Variants in FRMD5 observed in about 807,000 individuals in gnomAD.
The protein encoded by FRMD5 is FERM domain containing 5.
A neutral mutation model predicts 69.0 loss-of-function variants in FRMD5; 20 were observed. The ratio of observed to expected loss-of-function variants is 0.29; its 90% CI spans 0.20 to 0.42. FRMD5 has a LOEUF of 0.42. FRMD5 is among the 10% of genes least tolerant of loss of function. FRMD5 has a pLI of 1.00. For missense variants in FRMD5, 595 were observed against 708.6 expected, an observed-to-expected ratio of 0.84 and a Z score of 1.82; for synonymous variants, 271 against 260.1, an observed-to-expected ratio of 1.04 and a Z score of -0.40.
At chr15:44,050,662 T>C (rs1184209991) in intron 1 of FRMD5, among the ~76,000 whole-genome samples, 1 of 150,798 alleles carries the variant, frequency 6.6e-6, no homozygotes, top group East Asian at 1.9e-4. Flanking sequence ...TGGCCTTTTT[T>C]TTTTTTCTTT....
At chr15:43,929,772 C>G (rs114226225) in intron 1 of FRMD5, among the ~76,000 whole-genome samples, 2,457 of 152,290 alleles carry the variant, frequency 0.016, 75 homozygotes, top group African/African-American at 0.057. Flanking sequence ...GGGATGGCAT[C>G]TTAGCCTGCA....
intron 13 of FRMD5, 130 bp from the exon 14 acceptor site, chr15:43,874,592 T>A: frequency 1.5e-6 from 1 of 667,336 alleles, no homozygotes; most frequent in Non-Finnish European, 2.6e-6. Context: ...CACTGCACTC[T>A]ATTTTGATAT....
rs73416971 is a variant in FRMD5 at position 44,118,710 on chromosome 15, C to T, written c.102+76243G>A. On this transcript the variant is annotated intron_variant, in intron 1 of 13. Coordinates refer to ENST00000417257, the MANE Select transcript of FRMD5 (RefSeq NM_032892.5). ...AGCCAGTCAAAATCTCAGATTCAAC[C>T]AGATCCCCCGATGGGATTCGAAAGG... is the stretch of plus-strand genomic sequence containing the variant. 9.8e-3 allele frequency among the ~76,000 whole-genome samples: 1,497 copies of T among 152,308 alleles called. 26 individuals carry two copies. Among genetic ancestry groups the T allele is most frequent in the African/African-American group, 0.035 (1,450 of 41,550 alleles).
At chr15:44,096,399 G>A (rs1017703533) in intron 1 of FRMD5, among the ~76,000 whole-genome samples, 9 of 147,018 alleles carry the variant, frequency 6.1e-5, no homozygotes, top group Admixed American at 2.7e-4. Context: ...CTAGTACGGT[G>A]TATCTTTTTT....
At chr15:43,940,045 C>G (rs899741047) in intron 1 of FRMD5, among the ~76,000 whole-genome samples, 19 of 152,138 alleles carry the variant, frequency 1.2e-4, no homozygotes, top group Admixed American at 1.2e-3. Flanking sequence ...GGCTTGGTAG[C>G]GGGTGCCTGT....
At chr15:43,883,008 T>G (rs975055976) in intron 13 of FRMD5, among the ~76,000 whole-genome samples, 1 of 152,038 alleles carries the variant, frequency 6.6e-6, no homozygotes, top group African/African-American at 2.4e-5. Flanking sequence ...GGTTTCACCA[T>G]GTTGGCCAGG....
intron 1 of FRMD5, among the ~76,000 whole-genome samples, chr15:44,093,356 A>AG (rs139920200): frequency 0.017 from 2,553 of 152,114 alleles, 46 homozygotes; most frequent in Non-Finnish European, 0.028. Context: ...CAAAAAAAAA[A>AG]CAACTTGATC....
intron 13 of FRMD5, among the ~76,000 whole-genome samples, chr15:43,877,860 C>G (rs146953674): frequency 6.6e-6 from 1 of 152,198 alleles, no homozygotes; most frequent in African/African-American, 2.4e-5. Flanking sequence ...GAATCCAAGC[C>G]GCTTTCTAGT....
chr15:43,987,938 C>A lies in FRMD5; in HGVS notation c.103-63629G>T, dbSNP rs555374556. 4.8e-4 allele frequency among the ~76,000 whole-genome samples: 73 copies of A among 152,230 alleles called. 1 individual carries two copies. Among genetic ancestry groups the A allele is most frequent in the Non-Finnish European group, 8.2e-4 (56 of 68,008 alleles). ...GAGCCCTGAGCTGCTTGTTTTCCTG[C>A]AATTATATAGTCCCATCTGGGGGTC... On this transcript the variant is annotated intron_variant, in intron 1 of 13. Transcript: ENST00000417257.
chr15:43,993,273 A>G (rs889435374), intron 1 of FRMD5, among the ~76,000 whole-genome samples: 4 of 152,188 alleles, frequency 2.6e-5, no homozygotes, highest in African/African-American at 9.6e-5. Flanking sequence ...GCTCACTGCA[A>G]CCTGGAACTC....
intron 1 of FRMD5, among the ~76,000 whole-genome samples, chr15:44,091,184 G>A (rs1184295833): frequency 6.6e-6 from 1 of 152,114 alleles, no homozygotes; most frequent in Non-Finnish European, 1.5e-5. Context: ...TTTTCTTCAG[G>A]AGAAGAAAAT....
intron 1 of FRMD5, among the ~76,000 whole-genome samples, chr15:43,992,597 C>A (rs372238267): frequency 6.6e-6 from 1 of 152,100 alleles, no homozygotes; most frequent in Non-Finnish European, 1.5e-5. Flanking sequence ...AGACTGGTCT[C>A]GAACTCCTGA....
chr15:44,020,859 AC>A (rs1435109421), intron 1 of FRMD5, among the ~76,000 whole-genome samples: 1 of 152,206 alleles, frequency 6.6e-6, no homozygotes, highest in Non-Finnish European at 1.5e-5. Context: ...ACATGAAATC[AC>A]TGAACTCAGA....
chr15:44,197,678 C>CAAA (rs5812271), upstream of FRMD5, among the ~76,000 whole-genome samples: 103 of 84,444 alleles, frequency 1.2e-3, no homozygotes, highest in Non-Finnish European at 1.7e-3. Flanking sequence ...GACTCCATCT[C>CAAA]AAAAAAAAAA....
intron 1 of FRMD5, among the ~76,000 whole-genome samples, chr15:44,070,326 A>T (rs978388051): frequency 1.3e-5 from 2 of 151,992 alleles, no homozygotes; most frequent in African/African-American, 4.8e-5. Flanking sequence ...AAAATAAGAA[A>T]AAAAAAAAAG....
At chr15:44,063,416 T>C (rs145671171) in intron 1 of FRMD5, 113 of 186,574 alleles carry the variant, frequency 6.1e-4, no homozygotes, top group African/African-American at 2.3e-3. Context: ...TATAAAACAA[T>C]TTTTCAAATA....
At chr15:44,099,504 G>GA (rs896101556) in intron 1 of FRMD5, among the ~76,000 whole-genome samples, 33 of 150,386 alleles carry the variant, frequency 2.2e-4, no homozygotes, top group Middle Eastern at 3.4e-3. Flanking sequence ...TGTTAAAACT[G>GA]AAAAAAAAAT....
At chr15:43,935,074 G>T (rs1741463138) in intron 1 of FRMD5, among the ~76,000 whole-genome samples, 2 of 152,180 alleles carry the variant, frequency 1.3e-5, no homozygotes, top group South Asian at 2.1e-4. Flanking sequence ...AGAAGCTGCG[G>T]ATGTGCTTTC....
Position 43,905,672 on chromosome 15 carries a change from G to T in FRMD5, c.551+156C>A, listed in dbSNP as rs2089153397. On this transcript the variant is annotated intron_variant, in intron 6 of 13. Coordinates refer to ENST00000417257, the MANE Select transcript of FRMD5 (RefSeq NM_032892.5). ...TGTGGCTGTGACTTGTGCTGTCAGT[G>T]TATCACTGACAATGGTACATCCGCG... Among the ~76,000 whole-genome samples, 3 of 152,194 alleles carry T rather than the reference G, an allele frequency of 2.0e-5. No individual in the cohort carries two copies. The South Asian group carries it at 6.2e-4, about 31-fold the overall frequency.
Sources: allele counts gnomAD v4.1 joint callset (sites outside exome capture counted in the v4.1 genomes callset), GRCh38; gene constraint gnomAD v4.1.1; transcripts MANE v1.5; gene names NCBI Gene and HGNC (gene_info 2026-07-23, HGNC 2026-07-21).